DLG2: variants seen among roughly 807,000 people sequenced by gnomAD.
DLG2 encodes the protein disks large homolog 2.
In DLG2, 45 loss-of-function variants were observed where a neutral mutation model predicts 132.5. The ratio of observed to expected loss-of-function variants is 0.34; its 90% confidence interval spans 0.27 to 0.44. The LOEUF is 0.44. Ranked by LOEUF, DLG2 falls within the 20% of genes least tolerant of loss-of-function variation. The pLI is 1.00. For synonymous variants in DLG2, 424 were observed against 419.6 expected (o/e 1.01, Z -0.13); for missense variants, 1,045 against 1,196.9 (o/e 0.87, Z 1.87).
chr11:84,350,184 C>CCA (rs1555518888), intron 7 of DLG2, among the ~76,000 whole-genome samples: 8 of 102,204 alleles, frequency 7.8e-5, no homozygotes, highest in Non-Finnish European at 1.5e-4. Flanking sequence ...TCCCCCCCCC[C>CCA]AAAAAAAAAA....
chr11:85,364,600 G>C (rs959399462), intron 3 of DLG2, among the ~76,000 whole-genome samples: 2 of 151,954 alleles, frequency 1.3e-5, no homozygotes, highest in Non-Finnish European at 2.9e-5. Context: ...CCCTTCTGAT[G>C]CTTTCTGGGA....
At chr11:85,418,517 G>A (rs1025440690) in intron 3 of DLG2, among the ~76,000 whole-genome samples, 1 of 152,106 alleles carries the variant, frequency 6.6e-6, no homozygotes, top group African/African-American at 2.4e-5. Context: ...CTGTCTCATT[G>A]ATCTGTCTAA....
chr11:83,730,146 GTTT>G (rs541441004), intron 18 of DLG2, among the ~76,000 whole-genome samples: 4 of 110,990 alleles, frequency 3.6e-5, no homozygotes, highest in South Asian at 3.0e-4. Flanking sequence ...TTTTTTTATG[GTTT>G]TTTTTTTTTT....
intron 6 of DLG2, among the ~76,000 whole-genome samples, chr11:84,976,284 A>G (rs1469423429): frequency 1.3e-5 from 2 of 152,194 alleles, no homozygotes; most frequent in African/African-American, 2.4e-5. Context: ...ATAGATGCAA[A>G]GAGATAGTAA....
At chr11:85,054,056 G>A (rs1020727495) in intron 6 of DLG2, among the ~76,000 whole-genome samples, 1 of 151,862 alleles carries the variant, frequency 6.6e-6, no homozygotes, top group Non-Finnish European at 1.5e-5. Context: ...CACAACGTCA[G>A]GAGATCGAGA....
intron 6 of DLG2, among the ~76,000 whole-genome samples, chr11:84,682,525 G>C (rs1361099029): frequency 1.3e-5 from 2 of 152,152 alleles, no homozygotes; most frequent in Non-Finnish European, 2.9e-5. Flanking sequence ...CTCCTCCACG[G>C]CTTTCCTCCT....
At chr11:84,265,262 A>C (rs2097603706) in intron 7 of DLG2, among the ~76,000 whole-genome samples, 1 of 149,082 alleles carries the variant, frequency 6.7e-6, no homozygotes, top group Non-Finnish European at 1.5e-5. Context: ...CAGCAACAGT[A>C]ATAACAACCT....
Position 85,157,326 on chromosome 11 carries a change from A to T in DLG2, c.187-2675T>A, listed in dbSNP as rs188969373. ...AGAATATTAAGGATGAAGTCCTTTCATTGGTTTGGGGGTTTCTGGAGTTGG... is the reference window on the plus strand; with the variant it reads ...AGAATATTAAGGATGAAGTCCTTTCTTTGGTTTGGGGGTTTCTGGAGTTGG... On this transcript the variant is annotated intron_variant, in intron 4 of 27. Transcript: ENST00000376104. 5.1e-4 allele frequency among the ~76,000 whole-genome samples: 78 copies of T among 152,218 alleles called. 1 individual carries two copies. The highest frequency in any genetic ancestry group is 4.9e-3 in the Admixed American group (75 of 15,298).
At chr11:83,682,017 C>T (rs2078911689) in intron 18 of DLG2, 2 of 447,340 alleles carry the variant, frequency 4.5e-6, no homozygotes, top group African/African-American at 2.1e-5. Context: ...AGCTATTTTG[C>T]TCGTTAAAAG....
chr11:84,732,294 G>A (rs2063251078), intron 6 of DLG2, among the ~76,000 whole-genome samples: 1 of 151,924 alleles, frequency 6.6e-6, no homozygotes, highest in Admixed American at 6.6e-5. Flanking sequence ...GAATGGATTT[G>A]CTTGATAACC....
chr11:83,900,740 G>A (rs909021867), intron 15 of DLG2, among the ~76,000 whole-genome samples: 15 of 152,200 alleles, frequency 9.9e-5, no homozygotes, highest in Non-Finnish European at 2.1e-4. Flanking sequence ...CTCTGTTAGG[G>A]TAGTGTGGAA....
chr11:85,083,962 TC>T (rs1447445560), intron 6 of DLG2, among the ~76,000 whole-genome samples: 1 of 151,988 alleles, frequency 6.6e-6, no homozygotes, highest in African/African-American at 2.4e-5. Flanking sequence ...AGAAAAAGGG[TC>T]CATTCAGTTG....
chr11:84,571,829 G>T (rs1256179336), intron 6 of DLG2, among the ~76,000 whole-genome samples: 1 of 152,040 alleles, frequency 6.6e-6, no homozygotes, highest in South Asian at 2.1e-4. Context: ...GAAAGACATG[G>T]CAAACCACAG....
At chr11:84,122,834 CAT>C (rs997206698) in intron 9 of DLG2, among the ~76,000 whole-genome samples, 6 of 152,000 alleles carry the variant, frequency 3.9e-5, no homozygotes, top group African/African-American at 1.5e-4. Context: ...AACACACACA[CAT>C]AGACACACAC....
chr11:84,098,683 T>A (rs2092096342), intron 10 of DLG2, among the ~76,000 whole-genome samples: 1 of 152,132 alleles, frequency 6.6e-6, no homozygotes, highest in African/African-American at 2.4e-5. Context: ...TTTATCTTCA[T>A]CCCCTCCTCA....
intron 3 of DLG2, among the ~76,000 whole-genome samples, chr11:85,311,214 C>A (rs555658244): frequency 6.6e-6 from 1 of 152,228 alleles, no homozygotes; most frequent in South Asian, 2.1e-4. Flanking sequence ...TCGATGTTGT[C>A]CATTACAGAT....
At chr11:85,307,164 C>T (rs1048487832) in intron 3 of DLG2, among the ~76,000 whole-genome samples, 15 of 152,154 alleles carry the variant, frequency 9.9e-5, no homozygotes, top group African/African-American at 3.4e-4. Flanking sequence ...ATGTGCTCCA[C>T]AAACATTTGT....
intron 14 of DLG2, among the ~76,000 whole-genome samples, chr11:83,956,481 C>T (rs1218250137): frequency 6.6e-6 from 1 of 152,236 alleles, no homozygotes; most frequent in Non-Finnish European, 1.5e-5. Context: ...CTTGTCTGGC[C>T]ATGGGCCCCA....
At chr11:85,593,325 T>G (rs2079498772) in intron 3 of DLG2, among the ~76,000 whole-genome samples, 1 of 152,180 alleles carries the variant, frequency 6.6e-6, no homozygotes, top group South Asian at 2.1e-4. Flanking sequence ...GAACATAGGT[T>G]TTCAAATTTT....
Sources: gnomAD v4.1 joint callset for allele counts (sites outside exome capture counted in the v4.1 genomes callset) on GRCh38, gnomAD v4.1.1 for gene constraint, MANE v1.5 for transcripts, NCBI Gene and HGNC (gene_info 2026-07-23, HGNC 2026-07-21) for gene names.